Variants in CERKL observed in about 807,000 individuals in gnomAD.
The protein encoded by CERKL is CERK like autophagy regulator.
In CERKL, 61 loss-of-function variants were observed where a neutral mutation model predicts 63.4. That is an observed-to-expected ratio of 0.96 (90% CI 0.78 to 1.19). CERKL has a LOEUF of 1.19. Among genes scored for constraint, CERKL ranks in the 50% most tolerant of loss-of-function variants. CERKL has a pLI of 0.00. For synonymous variants in CERKL, 250 were observed against 230.5 expected (o/e 1.08, Z -0.77); for missense variants, 675 against 655.5 (o/e 1.03, Z -0.33).
At chr2:181,641,549 T>G (rs531015958) in intron 1 of CERKL, among the ~76,000 whole-genome samples, 2 of 152,132 alleles carry the variant, frequency 1.3e-5, no homozygotes, top group South Asian at 4.2e-4. Context: ...GCTTTATCTT[T>G]AAATAGGCAG....
At chr2:181,640,684 C>G (rs1687381572) in intron 1 of CERKL, among the ~76,000 whole-genome samples, 1 of 152,214 alleles carries the variant, frequency 6.6e-6, no homozygotes, top group Non-Finnish European at 1.5e-5. Flanking sequence ...TTCCTGCATA[C>G]CCAATTGCTC....
intron 10 of CERKL, among the ~76,000 whole-genome samples, chr2:181,547,021 G>A (rs914281290): frequency 1.3e-5 from 2 of 152,120 alleles, no homozygotes; most frequent in African/African-American, 4.8e-5. Context: ...AGTCTCATGA[G>A]ATCTAATGGT....
intron 2 of CERKL, among the ~76,000 whole-genome samples, chr2:181,577,007 T>G (rs1284701572): frequency 1.3e-5 from 2 of 152,170 alleles, no homozygotes; most frequent in Non-Finnish European, 2.9e-5. Flanking sequence ...CTGACGTGCT[T>G]CTTAAAACAT....
rs201612087 is a variant in CERKL at position 181,537,047 on chromosome 2, G to A, written c.*1137C>T. 8.8e-5 allele frequency: 39 copies of A among 444,634 alleles called. No homozygotes were observed. The highest frequency in any genetic ancestry group is 1.6e-4 in the Non-Finnish European group (35 of 221,750). 27.5% of individuals were successfully genotyped at this position (444,634 alleles called of 1,614,324 possible). ...TGAGATTTGCGAAGGCATTTGAGTA[G>A]TGAAATGTAAGCACAAAACCTCCTG... On this transcript the variant is annotated 3_prime_UTR_variant, in exon 13 of 13. Coordinates refer to ENST00000410087, the MANE Select transcript of CERKL (RefSeq NM_201548.5).
rs1357195905 is a variant in CERKL at position 181,641,328 on chromosome 2, TATATATATATATATATAC to T, written c.238+15423_238+15440del. Among the ~76,000 whole-genome samples the T allele has an allele frequency of 9.6e-3, 69 of 7,200 alleles. 1 individual carries two copies. The highest frequency in any genetic ancestry group is 0.022 in the Admixed American group (10 of 450). The allele number at this position is 7,200 out of a possible 152,430, so 4.7% of individuals were successfully genotyped here. ...ATATATATATATATATATATATATA[TATATATATATATATATAC>T]ATATATATACACATATTTTTTTCCC... On this transcript the variant is annotated intron_variant, in intron 1 of 12. Coordinates refer to ENST00000410087, the MANE Select transcript of CERKL (RefSeq NM_201548.5).
At chr2:181,566,567 C>G (rs908081672) in intron 3 of CERKL, among the ~76,000 whole-genome samples, 1 of 152,046 alleles carries the variant, frequency 6.6e-6, no homozygotes, top group South Asian at 2.1e-4. Context: ...GATTTACAAA[C>G]CAGAAGAATG....
chr2:181,584,378 G>T (rs1467597674), intron 2 of CERKL, among the ~76,000 whole-genome samples: 1 of 151,950 alleles, frequency 6.6e-6, no homozygotes, highest in Admixed American at 6.6e-5. Context: ...TGGATACAGT[G>T]GCATATGCCT....
intron 2 of CERKL, among the ~76,000 whole-genome samples, chr2:181,581,113 A>G (rs542360648): frequency 1.2e-4 from 18 of 152,270 alleles, no homozygotes; most frequent in African/African-American, 4.3e-4. Flanking sequence ...ATCAAAATTA[A>G]TCATCTTTGC....
intron 1 of CERKL, among the ~76,000 whole-genome samples, chr2:181,631,123 T>C (rs896396949): frequency 2.0e-4 from 30 of 152,228 alleles, no homozygotes; most frequent in African/African-American, 2.4e-5. Flanking sequence ...GAACCTTGTG[T>C]AAGATTTGAA....
intron 3 of CERKL, among the ~76,000 whole-genome samples, chr2:181,568,077 T>A (rs1261066609): frequency 1.3e-5 from 2 of 152,094 alleles, no homozygotes; most frequent in Non-Finnish European, 1.5e-5. Flanking sequence ...CTGCTGGGAA[T>A]TTCCCCCTCC....
intron 11 of CERKL, among the ~76,000 whole-genome samples, chr2:181,542,975 C>T (rs1687576086): frequency 6.6e-6 from 1 of 152,046 alleles, no homozygotes; most frequent in Non-Finnish European, 1.5e-5. Context: ...CAAAAGAGAC[C>T]TTCCATAAAC....
chr2:181,609,714 T>A (rs765539322), intron 1 of CERKL, among the ~76,000 whole-genome samples: 1 of 151,142 alleles, frequency 6.6e-6, no homozygotes, highest in Non-Finnish European at 1.5e-5. Context: ...AATAAATAAA[T>A]AAATAAATGA....
At chr2:181,651,233 T>C (rs1056996595) in intron 1 of CERKL, among the ~76,000 whole-genome samples, 1 of 152,108 alleles carries the variant, frequency 6.6e-6, no homozygotes, top group African/African-American at 2.4e-5. Flanking sequence ...CAGGAAACTA[T>C]AGTACAATAT....
At chr2:181,567,211 CATTAAT>C (rs752813625) in intron 3 of CERKL, among the ~76,000 whole-genome samples, 1 of 151,992 alleles carries the variant, frequency 6.6e-6, no homozygotes, top group Non-Finnish European at 1.5e-5. Flanking sequence ...ACATATGAAA[CATTAAT>C]ATTAATAAAG....
At chr2:181,601,681 G>A (rs1685464232) in intron 2 of CERKL, among the ~76,000 whole-genome samples, 2 of 152,344 alleles carry the variant, frequency 1.3e-5, no homozygotes, top group African/African-American at 2.4e-5. Flanking sequence ...CTGTCTTTGT[G>A]GGGAGTAGGA....
intron 1 of CERKL, among the ~76,000 whole-genome samples, chr2:181,638,282 T>C (rs541714830): frequency 6.6e-6 from 1 of 152,116 alleles, no homozygotes; most frequent in Non-Finnish European, 1.5e-5. Flanking sequence ...AATACCACTA[T>C]CCAGTAAAAG....
chr2:181,609,252 C>T (rs575199292), intron 1 of CERKL, among the ~76,000 whole-genome samples: 269 of 118,054 alleles, frequency 2.3e-3, no homozygotes, highest in Non-Finnish European at 2.7e-3. Context: ...GCTATCCCTC[C>T]CCCCTCCCCC....
chr2:181,571,126 C>A (rs948619639), intron 3 of CERKL, among the ~76,000 whole-genome samples: 5 of 151,994 alleles, frequency 3.3e-5, no homozygotes, highest in African/African-American at 1.2e-4. Context: ...GTAAGATAGG[C>A]AGGAAGACTA....
At chr2:181,656,682 G>A in intron 1 of CERKL, 87 bp downstream of exon 1, 1 of 1,150,156 alleles carries the variant, frequency 8.7e-7, no homozygotes, top group Non-Finnish European at 1.2e-6. Flanking sequence ...GGGGAGGGTG[G>A]AGCAAAAGCT....
Sources: allele counts gnomAD v4.1 joint callset (sites outside exome capture counted in the v4.1 genomes callset), GRCh38; gene constraint gnomAD v4.1.1; transcripts MANE v1.5; gene names NCBI Gene and HGNC (gene_info 2026-07-23, HGNC 2026-07-21).